Variants in AUTS2 observed in about 807,000 individuals in gnomAD.
AUTS2 encodes the protein activator of transcription and developmental regulator AUTS2.
AUTS2 carries 17 observed loss-of-function variants against 112.4 expected under a neutral mutation model. The observed-to-expected ratio is 0.15, with a 90% CI of 0.10 to 0.23. AUTS2 has a LOEUF of 0.23. Ranked by LOEUF, AUTS2 falls within the 10% of genes least tolerant of loss-of-function variation. The pLI is 1.00. For missense variants in AUTS2, 1,510 were observed against 1,701.6 expected, an observed-to-expected ratio of 0.89 and a Z score of 1.98; for synonymous variants, 751 against 702.7, an observed-to-expected ratio of 1.07 and a Z score of -1.09.
rs766321311 is a variant in AUTS2 at position 70,513,768 on chromosome 7, G to A, written c.690+77987G>A. Among the ~76,000 whole-genome samples, 22 of 150,228 alleles carry A rather than the reference G, an allele frequency of 1.5e-4. 1 individual carries two copies. Among genetic ancestry groups the A allele is most frequent in the Admixed American group, 1.1e-3 (17 of 14,968 alleles). On this transcript the variant is annotated intron_variant, in intron 5 of 18. Coordinates refer to ENST00000342771, the MANE Select transcript of AUTS2 (RefSeq NM_015570.4). ...CTCTGCTCCTGGATTCAAGTGATTC[G>A]CATGTCTCAGCCTCCCAGGTAGCTG...
At chr7:70,049,524 T>C (rs974417151) in intron 2 of AUTS2, among the ~76,000 whole-genome samples, 1 of 151,980 alleles carries the variant, frequency 6.6e-6, no homozygotes, top group Non-Finnish European at 1.5e-5. Flanking sequence ...GGGACAGAGT[T>C]TCACTATGTT....
At chr7:70,675,853 G>A (rs543760872) in intron 5 of AUTS2, among the ~76,000 whole-genome samples, 3 of 152,310 alleles carry the variant, frequency 2.0e-5, no homozygotes, top group Middle Eastern at 3.4e-3. Flanking sequence ...CAGAAGCAGC[G>A]AGACTTCTGA....
intron 1 of AUTS2, among the ~76,000 whole-genome samples, chr7:69,605,527 C>G (rs1004236201): frequency 2.0e-4 from 31 of 152,122 alleles, no homozygotes; most frequent in African/African-American, 7.2e-4. Flanking sequence ...TCCTCTTTGT[C>G]CCTTCTGGTT....
intron 4 of AUTS2, among the ~76,000 whole-genome samples, chr7:70,213,188 A>T (rs12698873): frequency 0.23 from 34,444 of 151,938 alleles, 3,870 homozygotes; most frequent in Middle Eastern, 0.33. Flanking sequence ...AAAGAAATAG[A>T]TATCATACAA....
At chr7:70,704,967 T>C (rs1171490128) in intron 6 of AUTS2, among the ~76,000 whole-genome samples, 1 of 152,260 alleles carries the variant, frequency 6.6e-6, no homozygotes, top group Non-Finnish European at 1.5e-5. Context: ...CTGTTAGCTT[T>C]GTACCTAATC....
At chr7:70,559,355 G>C (rs2129522698) in intron 5 of AUTS2, among the ~76,000 whole-genome samples, 1 of 149,692 alleles carries the variant, frequency 6.7e-6, no homozygotes, top group Non-Finnish European at 1.5e-5. Context: ...TTTTTTCTGA[G>C]GCGGAGTCTT....
At chr7:70,699,465 A>G (rs534528707) in intron 6 of AUTS2, 72 of 152,310 alleles carry the variant, frequency 4.7e-4, no homozygotes, top group African/African-American at 1.7e-3. Flanking sequence ...GGCCTTCACA[A>G]AGTGAAATTT....
intron 4 of AUTS2, among the ~76,000 whole-genome samples, chr7:70,250,745 A>G (rs1786548728): frequency 6.6e-6 from 1 of 152,112 alleles, no homozygotes; most frequent in Admixed American, 6.6e-5. Context: ...TCACCATCCT[A>G]GGCAGACCAA....
intron 4 of AUTS2, among the ~76,000 whole-genome samples, chr7:70,433,343 G>A (rs115581645): frequency 0.011 from 1,669 of 152,268 alleles, 17 homozygotes; most frequent in African/African-American, 0.016. Context: ...CACAAGGAGC[G>A]CTGTGAACAT....
At chr7:70,469,714 C>G (rs2115840415) in intron 5 of AUTS2, among the ~76,000 whole-genome samples, 1 of 152,286 alleles carries the variant, frequency 6.6e-6, no homozygotes, top group Middle Eastern at 3.4e-3. Flanking sequence ...GGTCTAGGCT[C>G]ACTGCAACCT....
At chr7:70,607,090 G>GAGGC (rs1272402182) in intron 5 of AUTS2, among the ~76,000 whole-genome samples, 1 of 152,110 alleles carries the variant, frequency 6.6e-6, no homozygotes, top group Non-Finnish European at 1.5e-5. Context: ...TCTTCTTGAT[G>GAGGC]AGGCCCAGGG....
At chr7:70,783,538 T>G (rs1791234398) in intron 15 of AUTS2, 2 of 152,250 alleles carry the variant, frequency 1.3e-5, no homozygotes, top group South Asian at 2.1e-4. Flanking sequence ...TATAGGAACT[T>G]AGACAAAATG....
chr7:70,238,763 C>T (rs1007537836), intron 4 of AUTS2, among the ~76,000 whole-genome samples: 8 of 151,984 alleles, frequency 5.3e-5, no homozygotes, highest in African/African-American at 1.7e-4. Flanking sequence ...CTTACAATCC[C>T]CCACCTTATT....
At chr7:70,052,318 A>G (rs901526396) in intron 2 of AUTS2, among the ~76,000 whole-genome samples, 2 of 152,162 alleles carry the variant, frequency 1.3e-5, no homozygotes, top group Admixed American at 6.5e-5. Context: ...TACAGCTAAC[A>G]TTTCCTAGGT....
chr7:70,221,733 A>G (rs1562797437), intron 4 of AUTS2, among the ~76,000 whole-genome samples: 1 of 152,170 alleles, frequency 6.6e-6, no homozygotes, highest in Non-Finnish European at 1.5e-5. Flanking sequence ...CTAAAAATAT[A>G]AAAATTAGCC....
rs1021136148 is a variant in AUTS2 at position 70,250,719 on chromosome 7, T to C, written c.660+116148T>C. Reference sequence around the variant, plus strand: ...TGAGATCATACCCTTTGCAGCAACATTGACAGAGGTAGAGGTCACCATCCT... The same window carrying C: ...TGAGATCATACCCTTTGCAGCAACACTGACAGAGGTAGAGGTCACCATCCT... On this transcript the variant is annotated intron_variant, in intron 4 of 18. Transcript: ENST00000342771. 2.4e-4 allele frequency among the ~76,000 whole-genome samples: 36 copies of C among 151,996 alleles called. 1 individual carries two copies. Among genetic ancestry groups the C allele is most frequent in the Admixed American group, 2.3e-3 (35 of 15,260 alleles).
intron 5 of AUTS2, among the ~76,000 whole-genome samples, chr7:70,542,365 T>C (rs1438502128): frequency 6.6e-6 from 1 of 152,228 alleles, no homozygotes; most frequent in African/African-American, 2.4e-5. Context: ...TCTGAACTCC[T>C]AGTCTAGACA....
intron 1 of AUTS2, among the ~76,000 whole-genome samples, chr7:69,844,686 C>G (rs1431118645): frequency 6.6e-6 from 1 of 152,102 alleles, no homozygotes; most frequent in Non-Finnish European, 1.5e-5. Flanking sequence ...AGAACACAAG[C>G]TGCACCCCTG....
chr7:69,982,651 A>G (rs1364875497), intron 2 of AUTS2, among the ~76,000 whole-genome samples: 1 of 152,240 alleles, frequency 6.6e-6, no homozygotes, highest in Non-Finnish European at 1.5e-5. Context: ...TTTCCATTGA[A>G]TGACCCAAAC....
Sources: allele counts gnomAD v4.1 joint callset (sites outside exome capture counted in the v4.1 genomes callset), GRCh38; gene constraint gnomAD v4.1.1; transcripts MANE v1.5; gene names NCBI Gene and HGNC (gene_info 2026-07-23, HGNC 2026-07-21).